The following FRAS1 variants were observed in gnomAD, a reference collection of about 807,000 sequenced individuals.
FRAS1 encodes the protein Fraser extracellular matrix complex subunit 1, also known as extracellular matrix organizing protein FRAS1.
In FRAS1, 290 loss-of-function variants were observed where a neutral mutation model predicts 435.2. That is an observed-to-expected ratio of 0.67 (90% CI 0.61 to 0.73). The LOEUF is 0.73. FRAS1 is among the 30% of genes least tolerant of loss of function. The pLI, the probability that FRAS1 is intolerant of heterozygous loss-of-function variation, is 0.00. For missense variants in FRAS1, 4,860 were observed against 5,001.5 expected (o/e 0.97, Z 0.85); for synonymous variants, 1,800 against 1,851.0 (o/e 0.97, Z 0.71).
intron 2 of FRAS1, among the ~76,000 whole-genome samples, chr4:78,166,648 AGTGG>A (rs1721341724): frequency 6.6e-6 from 1 of 152,214 alleles, no homozygotes; most frequent in Admixed American, 6.5e-5. Flanking sequence ...ATTTTTAGGC[AGTGG>A]TTCCTTTGAA....
At chr4:78,255,130 CCTT>C in intron 5 of FRAS1, 109 bp from the exon 6 acceptor site, 2 of 979,140 alleles carry the variant, frequency 2.0e-6, no homozygotes, top group Admixed American at 2.0e-5. Context: ...TGCAGGACCT[CCTT>C]CTGTGCACTG....
At chr4:78,153,087 A>G (rs1479353638) in intron 2 of FRAS1, among the ~76,000 whole-genome samples, 5 of 152,056 alleles carry the variant, frequency 3.3e-5, no homozygotes, top group Non-Finnish European at 1.5e-5. Flanking sequence ...CCCATTTTCT[A>G]GGCTCTTCCA....
intron 2 of FRAS1, among the ~76,000 whole-genome samples, chr4:78,188,932 A>C (rs1722407253): frequency 6.6e-6 from 1 of 152,236 alleles, no homozygotes; most frequent in Non-Finnish European, 1.5e-5. Context: ...GGTGAAAAAC[A>C]GCTCAAAGTA....
chr4:78,382,625 A>C (rs1732063781), intron 27 of FRAS1, among the ~76,000 whole-genome samples: 1 of 152,208 alleles, frequency 6.6e-6, no homozygotes, highest in Non-Finnish European at 1.5e-5. Flanking sequence ...AGGGAAGACA[A>C]GAATCATTTT....
intron 4 of FRAS1, among the ~76,000 whole-genome samples, chr4:78,250,744 G>C (rs1046408995): frequency 6.6e-6 from 1 of 152,176 alleles, no homozygotes; most frequent in Non-Finnish European, 1.5e-5. Flanking sequence ...CGTGAGGGAA[G>C]GCTTTGTGTG....
intron 2 of FRAS1, among the ~76,000 whole-genome samples, chr4:78,087,076 A>T (rs2109888710): frequency 6.6e-6 from 1 of 152,344 alleles, no homozygotes; most frequent in South Asian, 2.1e-4. Flanking sequence ...CCTATCCACC[A>T]TGATCAAGTG....
At chr4:78,521,255 C>G (rs904147229) in intron 67 of FRAS1, among the ~76,000 whole-genome samples, 1 of 151,504 alleles carries the variant, frequency 6.6e-6, no homozygotes, top group Non-Finnish European at 1.5e-5. Context: ...TTTGCTGAAC[C>G]CTGCATCTGG....
rs1560602563 is a variant in FRAS1 at position 78,249,066 on chromosome 4, T to TGC, written c.310-3326_310-3325insGC. The stretch of plus-strand genomic sequence containing the variant: ...AACTACTGATATATATATATATGCA[T>TGC]ATATATATATATATATATATGCATG... On this transcript the variant is annotated intron_variant, in intron 4 of 73. Transcript: ENST00000512123. 2.5e-3 allele frequency among the ~76,000 whole-genome samples: 241 copies of TGC among 97,312 alleles called. 4 individuals carry two copies. Among genetic ancestry groups the TGC allele is most frequent in the African/African-American group, 8.2e-3 (232 of 28,188 alleles). The allele number at this position is 97,312 out of a possible 152,430, so 63.8% of individuals were successfully genotyped here.
At chr4:78,130,121 C>T (rs1048598478) in intron 2 of FRAS1, among the ~76,000 whole-genome samples, 2 of 152,192 alleles carry the variant, frequency 1.3e-5, no homozygotes, top group African/African-American at 4.8e-5. Context: ...TCAATCTCTC[C>T]TTGCTCTTCC....
At chr4:78,072,877 A>G (rs1195980422) in intron 2 of FRAS1, among the ~76,000 whole-genome samples, 1 of 152,112 alleles carries the variant, frequency 6.6e-6, no homozygotes, top group African/African-American at 2.4e-5. Flanking sequence ...TCCTTTAACT[A>G]GAGATATTCA....
At chr4:78,234,850 T>C (rs1048942957) in intron 2 of FRAS1, among the ~76,000 whole-genome samples, 3 of 151,710 alleles carry the variant, frequency 2.0e-5, no homozygotes, top group African/African-American at 7.3e-5. Context: ...ATGTTGTGTA[T>C]ATATCCATGT....
At chr4:78,063,491 G>A (rs746521158) in intron 1 of FRAS1, among the ~76,000 whole-genome samples, 1 of 152,104 alleles carries the variant, frequency 6.6e-6, no homozygotes, top group African/African-American at 2.4e-5. Context: ...ATTTCTTTTG[G>A]AATTGTACAA....
intron 30 of FRAS1, among the ~76,000 whole-genome samples, chr4:78,407,033 G>A (rs2110352415): frequency 6.6e-6 from 1 of 152,328 alleles, no homozygotes; most frequent in South Asian, 2.1e-4. Flanking sequence ...TTCAGGCTAT[G>A]TGTGTAAAGT....
intron 2 of FRAS1, among the ~76,000 whole-genome samples, chr4:78,139,785 G>A (rs1578148446): frequency 6.6e-6 from 1 of 152,174 alleles, no homozygotes; most frequent in Non-Finnish European, 1.5e-5. Flanking sequence ...GCTAAATAGT[G>A]CATCAATTCT....
At chr4:78,414,779 G>GTATGTTAAGCTCCTAA in intron 32 of FRAS1, among the ~76,000 whole-genome samples, 1 of 152,218 alleles carries the variant, frequency 6.6e-6, no homozygotes, top group South Asian at 2.1e-4. Flanking sequence ...GTTAAGTGCT[G>GTATGTTAAGCTCCTAA]TGGAAGACAT....
At position 78,216,665 on chromosome 4, in the gene FRAS1, G is replaced by C. The variant is rs867071808; in HGVS notation, c.109-20845G>C. ...TTACTTTTAGGGCCTTATCTTCCAGGGAGTGAAGCAGATGTAAACAGAATG... is the reference window on the plus strand; with the variant it reads ...TTACTTTTAGGGCCTTATCTTCCAGCGAGTGAAGCAGATGTAAACAGAATG... On this transcript the variant is annotated intron_variant, in intron 2 of 73. Coordinates refer to ENST00000512123, the MANE Select transcript of FRAS1 (RefSeq NM_025074.7). Among the ~76,000 whole-genome samples the C allele has an allele frequency of 1.8e-4, 27 of 152,260 alleles. No homozygotes were observed. In the Middle Eastern group the frequency reaches 0.01, roughly 58 times the overall value.
At chr4:78,458,404 C>G (rs1719269979) in intron 47 of FRAS1, among the ~76,000 whole-genome samples, 1 of 152,150 alleles carries the variant, frequency 6.6e-6, no homozygotes, top group Non-Finnish European at 1.5e-5. Context: ...ATAAATAGTT[C>G]TCTTGTCAGT....
At chr4:78,525,942 T>A (rs546654662) in intron 69 of FRAS1, among the ~76,000 whole-genome samples, 1 of 152,280 alleles carries the variant, frequency 6.6e-6, no homozygotes, top group South Asian at 2.1e-4. Flanking sequence ...TTCGACTTTA[T>A]AAAGGGATGA....
chr4:78,526,571 C>T lies in FRAS1; in HGVS notation c.10839C>T (p.Tyr3613=). ...ACTACTCAGGAGAGTACACCATCTA[C>T]CTGATCCCTTGCACAGTGCAGCCCA... The part of the protein sequence containing the change: ...RKDYSGEYTI[Y]LIPCTVQPTQ... Residue 3613 remains tyrosine, a synonymous_variant, in exon 70 of 74, where the codon TAC becomes TAT. Transcript: ENST00000512123. The T allele has an allele frequency of 1.2e-6, 2 of 1,601,140 alleles. No individual in the cohort carries two copies. The highest frequency in any genetic ancestry group is 1.7e-6 in the Non-Finnish European group (2 of 1,174,022).
Sources: allele counts gnomAD v4.1 joint callset (sites outside exome capture counted in the v4.1 genomes callset), GRCh38; gene constraint gnomAD v4.1.1; transcripts MANE v1.5; gene names NCBI Gene and HGNC (gene_info 2026-07-23, HGNC 2026-07-21).